Variants in PHLDB2 observed in about 807,000 individuals in gnomAD.
PHLDB2 encodes the protein pleckstrin homology-like domain family B member 2.
Under a neutral mutation model 123.6 loss-of-function variants are expected in PHLDB2, and 71 were observed. That is an observed-to-expected ratio of 0.57 (90% CI 0.47 to 0.70). The LOEUF is 0.70. PHLDB2 is among the 30% of genes least tolerant of loss of function. The pLI is 0.00. For synonymous variants in PHLDB2, 547 were observed against 541.6 expected, an observed-to-expected ratio of 1.01 and a Z score of -0.14; for missense variants, 1,446 against 1,519.5, an observed-to-expected ratio of 0.95 and a Z score of 0.80.
At chr3:111,895,184 T>C (rs1356287356) in intron 2 of PHLDB2, among the ~76,000 whole-genome samples, 1 of 152,158 alleles carries the variant, frequency 6.6e-6, no homozygotes, top group African/African-American at 2.4e-5. Context: ...GAAACAGAGC[T>C]AAAGTCTTCA....
Position 111,952,706 on chromosome 3 carries a change from C to T in PHLDB2, c.2766C>T (p.Thr922=). The change falls in exon 11 of 18, where the codon ACC becomes ACT. Residue 922 remains threonine, a synonymous_variant. Coordinates refer to ENST00000431670, the MANE Select transcript of PHLDB2 (RefSeq NM_001134438.2). ...FSSATMGRSI[T]PKAHLPLGQS... ...GTGCTACTATGGGGAGAAGCATCAC[C>T]CCAAAGGTAGGACCTGGGAGAAACC... The T allele has an allele frequency of 6.2e-7, 1 of 1,611,782 alleles. No homozygotes were observed.
intron 10 of PHLDB2, among the ~76,000 whole-genome samples, chr3:111,951,401 T>C (rs544783316): frequency 3.9e-5 from 6 of 152,334 alleles, no homozygotes; most frequent in African/African-American, 1.2e-4. Flanking sequence ...TCTTAATTAA[T>C]TGATTAGCTA....
chr3:111,830,957 GAAAGAAAGAAAGAA>G (rs1460467197), intron 1 of PHLDB2, among the ~76,000 whole-genome samples: 6 of 27,434 alleles, frequency 2.2e-4, no homozygotes, highest in Admixed American at 4.0e-4. Flanking sequence ...GAAAGAAAGA[GAAAGAAAGAAAGAA>G]AGAAAGAAAG....
chr3:111,825,841 C>A (rs550426815), intron 1 of PHLDB2, among the ~76,000 whole-genome samples: 1 of 152,032 alleles, frequency 6.6e-6, no homozygotes, highest in African/African-American at 2.4e-5. Context: ...GCTCACAAAC[C>A]TTTATAAGAG....
intron 1 of PHLDB2, among the ~76,000 whole-genome samples, chr3:111,870,163 C>G (rs2065269368): frequency 6.6e-6 from 1 of 152,016 alleles, no homozygotes; most frequent in Non-Finnish European, 1.5e-5. Context: ...TCTAAGGAGA[C>G]AGGTATTGAG....
intron 2 of PHLDB2, 149 bp downstream of exon 2, chr3:111,885,561 T>C: frequency 1.0e-6 from 1 of 1,004,310 alleles, no homozygotes. Context: ...TCTCCTGCTA[T>C]CCTTCTTCTT....
intron 8 of PHLDB2, among the ~76,000 whole-genome samples, chr3:111,944,766 C>T (rs6438023): frequency 0.15 from 22,783 of 152,016 alleles, 1,961 homozygotes; most frequent in Non-Finnish European, 0.18. Context: ...CTGCAACCTC[C>T]GCCTCATGCC....
intron 1 of PHLDB2, among the ~76,000 whole-genome samples, chr3:111,824,793 A>C (rs533349523): frequency 2.0e-5 from 3 of 152,238 alleles, no homozygotes; most frequent in Non-Finnish European, 4.4e-5. Context: ...GGCTGAAAGT[A>C]TTCTAACAGA....
chr3:111,906,477 A>G (rs2067541654), intron 2 of PHLDB2, among the ~76,000 whole-genome samples: 1 of 152,224 alleles, frequency 6.6e-6, no homozygotes, highest in Non-Finnish European at 1.5e-5. Context: ...TTTAGCCACT[A>G]TAGTACATTG....
At chr3:111,825,289 G>A (rs1172737553) in intron 1 of PHLDB2, among the ~76,000 whole-genome samples, 1 of 152,134 alleles carries the variant, frequency 6.6e-6, no homozygotes, top group East Asian at 1.9e-4. Flanking sequence ...GATATATGAA[G>A]ATTATTACAC....
intron 6 of PHLDB2, among the ~76,000 whole-genome samples, chr3:111,934,843 A>G (rs66515458): frequency 0.13 from 19,206 of 151,772 alleles, 1,581 homozygotes; most frequent in Non-Finnish European, 0.18. Flanking sequence ...CATTTCATAT[A>G]TGAGGATATT....
At chr3:111,912,980 C>A (rs565180604) in intron 2 of PHLDB2, among the ~76,000 whole-genome samples, 1 of 152,192 alleles carries the variant, frequency 6.6e-6, no homozygotes, top group East Asian at 1.9e-4. Context: ...TGTCTTTCTC[C>A]CTAACCCCAC....
intron 2 of PHLDB2, 69 bp from the exon 3 acceptor site, chr3:111,913,250 A>G (rs2067990191): frequency 3.4e-6 from 5 of 1,478,112 alleles, no homozygotes; most frequent in Non-Finnish European, 4.5e-6. Flanking sequence ...CAGCCTCTTC[A>G]GTCTTTTTAT....
intron 5 of PHLDB2, among the ~76,000 whole-genome samples, chr3:111,929,127 A>G (rs886626617): frequency 6.6e-6 from 1 of 152,146 alleles, no homozygotes; most frequent in Non-Finnish European, 1.5e-5. Context: ...TTAATCTGGT[A>G]TGGTTGTGCA....
chr3:111,879,738 C>T (rs1337658375), intron 1 of PHLDB2, among the ~76,000 whole-genome samples: 1 of 152,034 alleles, frequency 6.6e-6, no homozygotes, highest in Non-Finnish European at 1.5e-5. Flanking sequence ...AGTTCAGTGC[C>T]TGTATCATAG....
chr3:111,783,345 T>C (rs66499316), intron 1 of PHLDB2, among the ~76,000 whole-genome samples: 7,299 of 152,212 alleles, frequency 0.048, 246 homozygotes, highest in Middle Eastern at 0.071. Flanking sequence ...AAATATCCAC[T>C]TTGTTTTAGA....
At chr3:111,835,138 T>C (rs1353956818) in intron 1 of PHLDB2, among the ~76,000 whole-genome samples, 1 of 152,134 alleles carries the variant, frequency 6.6e-6, no homozygotes, top group African/African-American at 2.4e-5. Context: ...TGCACATGCC[T>C]TAAATATTTA....
intron 1 of PHLDB2, among the ~76,000 whole-genome samples, chr3:111,775,410 GGT>G (rs2060251486): frequency 6.6e-6 from 1 of 152,142 alleles, no homozygotes; most frequent in South Asian, 2.1e-4. Context: ...TAGAAAAACT[GGT>G]TAGTCAAGAA....
intron 16 of PHLDB2, among the ~76,000 whole-genome samples, chr3:111,971,976 T>C (rs2072221264): frequency 6.6e-6 from 1 of 152,194 alleles, no homozygotes. Flanking sequence ...TGCAGCGTTA[T>C]CTCATCAATT....
Sources: allele counts gnomAD v4.1 joint callset (sites outside exome capture counted in the v4.1 genomes callset), GRCh38; gene constraint gnomAD v4.1.1; transcripts MANE v1.5; gene names NCBI Gene and HGNC (gene_info 2026-07-23, HGNC 2026-07-21).